The following NLRX1 variants were observed in gnomAD, a reference collection of about 807,000 sequenced individuals.
The protein encoded by NLRX1 is NOD-like receptor X1.
A neutral mutation model predicts 74.2 loss-of-function variants in NLRX1; 67 were observed. That is an observed-to-expected ratio of 0.90 (90% CI 0.74 to 1.11). The LOEUF is 1.11. NLRX1 is among the 50% of genes least tolerant of loss of function. The pLI is 0.00. For synonymous variants in NLRX1, 506 were observed against 559.1 expected (o/e 0.91, Z 1.34); for missense variants, 1,191 against 1,305.4 (o/e 0.91, Z 1.35).
intron 9 of NLRX1, among the ~76,000 whole-genome samples, chr11:119,182,606 G>T (rs1171457464): frequency 2.0e-5 from 3 of 152,178 alleles, no homozygotes; most frequent in Non-Finnish European, 4.4e-5. Flanking sequence ...TAGTATCAGG[G>T]TCGGCTGTGG....
In NLRX1 at chr11:119,173,596, G is replaced by A. The variant is rs765548022; in HGVS notation, c.347G>A (p.Arg116His). Residue 116 changes from arginine (R) to histidine (H), a missense_variant, in exon 5 of 10, where the codon CGC becomes CAC. Transcript: ENST00000409109. The surrounding 1 kb of genome is among the most constrained non-coding windows in gnomAD (Gnocchi z 4.0). Reference sequence around the variant, plus strand: ...ACGGTCCACGTTGACCCTGTGATCCGCGAGAGTACCCCTGATGAGCTACTT... The same window carrying A: ...ACGGTCCACGTTGACCCTGTGATCCACGAGAGTACCCCTGATGAGCTACTT... ...LDTVHVDPVI[R>H]ESTPDELLRP... The A allele has an allele frequency of 4.1e-5, 66 of 1,614,018 alleles. No individual in the cohort carries two copies. Among genetic ancestry groups the A allele is most frequent in the Non-Finnish European group, 5.3e-5 (62 of 1,180,050 alleles).
Position 119,173,600 on chromosome 11 carries a change from G to A in NLRX1, c.351G>A (p.Glu117=), listed in dbSNP as rs2135162064. The A allele has an allele frequency of 1.2e-6, 2 of 1,614,152 alleles. No individual in the cohort carries two copies. The highest frequency in any genetic ancestry group is 1.7e-6 in the Non-Finnish European group (2 of 1,180,040). The change falls in exon 5 of 10, where the codon GAG becomes GAA. Residue 117 remains glutamate, a synonymous_variant. Transcript: ENST00000409109. The surrounding 1 kb of genome is among the most constrained non-coding windows in gnomAD (Gnocchi z 4.0). The stretch of plus-strand genomic sequence containing the variant: ...TCCACGTTGACCCTGTGATCCGCGA[G>A]AGTACCCCTGATGAGCTACTTCGCC... ...DTVHVDPVIR[E]STPDELLRPP...
chr11:119,176,655 C>T (rs1211367101), intron 6 of NLRX1, among the ~76,000 whole-genome samples: 1 of 151,622 alleles, frequency 6.6e-6, no homozygotes, highest in Non-Finnish European at 1.5e-5. Flanking sequence ...CCACTGCACT[C>T]CAGCCTGAGC....
In NLRX1 at chr11:119,182,162, C is replaced by T; in HGVS notation, c.2423C>T (p.Ser808Leu). ...ATGGAGGGGCTGGCAGGAAACACCT[C>T]AGTGACGCACCTGTCCCTGCTGCAC... ...VLMEGLAGNT[S>L]VTHLSLLHTG... The change falls in exon 9 of 10, where the codon TCA (serine) becomes TTA (leucine). Residue 808 changes from serine to leucine, a missense_variant. By Grantham distance (145) the Ser-to-Leu change is moderately radical (BLOSUM62 -2). Coordinates refer to ENST00000409109, the MANE Select transcript of NLRX1 (RefSeq NM_001282144.2). 1 of 1,614,154 alleles carries T rather than the reference C, an allele frequency of 6.2e-7. No individual in the cohort carries two copies.
Position 119,183,401 on chromosome 11 carries a change from A to T in NLRX1, c.2890A>T (p.Arg964Trp). The change falls in exon 10 of 10, where the codon AGG (arginine) becomes TGG (tryptophan). Residue 964 changes from arginine (R) to tryptophan (W), a missense_variant. Arg to Trp is a moderately radical substitution (Grantham distance 101). Coordinates refer to ENST00000409109, the MANE Select transcript of NLRX1 (RefSeq NM_001282144.2). This position sits in a 1 kb window ranked among gnomAD's most constrained non-coding sequence, Gnocchi z 5.7. ...GCTGCTGCGAGTGGAGGGCGAGGTC[A>T]GGGCCCTCCTGGAGCAGCTGGGAAG... ...AQLLRVEGEVRALLEQLGSSG... is the reference protein window; with the variant it reads ...AQLLRVEGEVWALLEQLGSSG... The T allele has an allele frequency of 6.2e-7, 1 of 1,613,768 alleles. No individual in the cohort carries two copies.
intron 1 of NLRX1, among the ~76,000 whole-genome samples, chr11:119,170,826 G>A (rs76997481): frequency 0.022 from 3,284 of 152,296 alleles, 59 homozygotes; most frequent in Middle Eastern, 0.044. Flanking sequence ...AAAGGTGTTC[G>A]TGAAGCTTCA....
chr11:119,183,394 C>T lies in NLRX1; in HGVS notation c.2883C>T (p.Gly961=), dbSNP rs778706021. Reference sequence around the variant, plus strand: ...AGGCCCAGCTGCTGCGAGTGGAGGGCGAGGTCAGGGCCCTCCTGGAGCAGC... The same window carrying T: ...AGGCCCAGCTGCTGCGAGTGGAGGGTGAGGTCAGGGCCCTCCTGGAGCAGC... The part of the protein sequence containing the change: ...WRKAQLLRVE[G]EVRALLEQLG... The change falls in exon 10 of 10, where the codon GGC becomes GGT. Residue 961 remains glycine, a synonymous_variant. Coordinates refer to ENST00000409109, the MANE Select transcript of NLRX1 (RefSeq NM_001282144.2). The surrounding 1 kb of genome is among the most constrained non-coding windows in gnomAD (Gnocchi z 5.7). The T allele has an allele frequency of 7.4e-6, 12 of 1,613,854 alleles. No individual in the cohort carries two copies. The highest frequency in any genetic ancestry group is 1.3e-5 in the African/African-American group (1 of 74,944).
Position 119,183,146 on chromosome 11 carries a change from G to A in NLRX1, c.2635G>A (p.Gly879Ser). ...CTACTTCAATGAGCTGAGCTCAGAGGGCCGCCAGGTCTTGCGAGACTTGGG... is the reference window on the plus strand; with the variant it reads ...CTACTTCAATGAGCTGAGCTCAGAGAGCCGCCAGGTCTTGCGAGACTTGGG... The part of the protein sequence containing the change: ...HLYFNELSSE[G>S]RQVLRDLGGA... Residue 879 changes from glycine to serine, a missense_variant, in exon 10 of 10, where the codon GGC becomes AGC. Transcript: ENST00000409109. This position sits in a 1 kb window ranked among gnomAD's most constrained non-coding sequence, Gnocchi z 5.7. 1 of 1,614,072 alleles carries A rather than the reference G, an allele frequency of 6.2e-7. No homozygotes were observed. The highest frequency in any genetic ancestry group is 8.5e-7 in the Non-Finnish European group (1 of 1,180,010).
At chr11:119,172,825 T>C (rs1320562047) in intron 3 of NLRX1, 76 bp from the exon 4 acceptor site, 2 of 1,069,994 alleles carry the variant, frequency 1.9e-6, no homozygotes, top group Middle Eastern at 4.0e-4. Flanking sequence ...GCAGTGCAGA[T>C]AGGCTTGGAC....
intron 8 of NLRX1, among the ~76,000 whole-genome samples, chr11:119,181,692 G>A (rs1277087841): frequency 6.6e-6 from 1 of 152,206 alleles, no homozygotes. Context: ...GTAAGGGGAG[G>A]CAAATGAGGA....
rs1948472948 is a variant in NLRX1, at chr11:119,169,094, CTG to C, written c.-256_-255del. 6.6e-6 allele frequency: 1 copy of C among 152,420 alleles called. No individual in the cohort carries two copies. The highest frequency in any genetic ancestry group is 6.5e-5 in the Admixed American group (1 of 15,284). 9.4% of individuals were successfully genotyped at this position (152,420 alleles called of 1,614,324 possible). On this transcript the variant is annotated 5_prime_UTR_variant, in exon 1 of 10. Transcript: ENST00000409109. Reference sequence around the variant, plus strand: ...CCTGCGCCCTGGCTGGGAGGCCGCGCTGAGCGGGGGGCAGGGCGGGCCGGGGG... The same window carrying C: ...CCTGCGCCCTGGCTGGGAGGCCGCGCAGCGGGGGGCAGGGCGGGCCGGGGG...
At chr11:119,181,440 G>A in intron 8 of NLRX1, 183 bp downstream of exon 8, 1 of 591,636 alleles carries the variant, frequency 1.7e-6, no homozygotes, top group Non-Finnish European at 3.1e-6. Context: ...AGGGAAACAT[G>A]CCACCTGTAA....
At chr11:119,174,401 C>A in intron 5 of NLRX1, 52 bp from the exon 6 acceptor site, 1 of 1,546,020 alleles carries the variant, frequency 6.5e-7, no homozygotes, top group Non-Finnish European at 8.8e-7. Flanking sequence ...GGAATAGAAG[C>A]AGTCAACAGG....
intron 9 of NLRX1, among the ~76,000 whole-genome samples, chr11:119,182,870 G>C (rs1948874266): frequency 6.7e-6 from 1 of 150,286 alleles, no homozygotes; most frequent in South Asian, 2.1e-4. Context: ...CTGGGTGACA[G>C]AGCAAGACTC....
rs200410544 is a variant in NLRX1, at chr11:119,175,247, T to C, written c.1644T>C (p.Ala548=). ...TGGCCAAGCTGCTGCCTCTGCGGGCTCTGCCTCTGCTCTTCAACCTGATCA... is the reference window on the plus strand; with the variant it reads ...TGGCCAAGCTGCTGCCTCTGCGGGCCCTGCCTCTGCTCTTCAACCTGATCA... The part of the protein sequence containing the change: ...GIMAKLLPLR[A]LPLLFNLIKV... The change falls in exon 6 of 10, where the codon GCT becomes GCC. Residue 548 remains alanine (A), a synonymous_variant. Coordinates refer to ENST00000409109, the MANE Select transcript of NLRX1 (RefSeq NM_001282144.2). The C allele has an allele frequency of 8.1e-6, 13 of 1,613,840 alleles. No homozygotes were observed. The highest frequency in any genetic ancestry group is 1.1e-5 in the Non-Finnish European group (13 of 1,179,962).
At chr11:119,170,371 T>C (rs773879786) in intron 1 of NLRX1, among the ~76,000 whole-genome samples, 1 of 152,042 alleles carries the variant, frequency 6.6e-6, no homozygotes, top group African/African-American at 2.4e-5. Context: ...TCACACTGCC[T>C]AAAGGAGCAA....
rs1948599923 is a variant in NLRX1 at position 119,173,247 on chromosome 11, C to T, written c.230-232C>T. ...AGTTGGGTCAAGCAGGTTAAGACGG[C>T]ACATAGGTCACTGTGAAACCAGTTT... is the stretch of plus-strand genomic sequence containing the variant. On this transcript the variant is annotated intron_variant, in intron 4 of 9. Coordinates refer to ENST00000409109, the MANE Select transcript of NLRX1 (RefSeq NM_001282144.2). The surrounding 1 kb of genome is among the most constrained non-coding windows in gnomAD (Gnocchi z 4.0). 1 of 630,434 alleles carries T rather than the reference C, an allele frequency of 1.6e-6. No individual in the cohort carries two copies. The highest frequency in any genetic ancestry group is 2.8e-6 in the Non-Finnish European group (1 of 363,438). 39.1% of individuals were successfully genotyped at this position (630,434 alleles called of 1,614,324 possible).
chr11:119,182,033 C>T (rs1047153073), intron 8 of NLRX1, 61 bp from the exon 9 acceptor site: 2 of 1,586,664 alleles, frequency 1.3e-6, no homozygotes, highest in Non-Finnish European at 8.6e-7. Context: ...GTACCACCCC[C>T]AACCTTGCCT....
At chr11:119,169,828 C>T (rs1948497105) in intron 1 of NLRX1, among the ~76,000 whole-genome samples, 1 of 151,850 alleles carries the variant, frequency 6.6e-6, no homozygotes, top group Non-Finnish European at 1.5e-5. Flanking sequence ...CCCGTCTCTA[C>T]AAAAACCAAA....
Sources: allele counts gnomAD v4.1 joint callset (sites outside exome capture counted in the v4.1 genomes callset), GRCh38; gene constraint gnomAD v4.1.1; non-coding constraint Gnocchi (gnomAD v3.1); transcripts MANE v1.5; gene names NCBI Gene and HGNC (gene_info 2026-07-23, HGNC 2026-07-21).